GRM8: variants seen among roughly 807,000 people sequenced by gnomAD.
The protein encoded by GRM8 is glutamate metabotropic receptor 8.
A neutral mutation model predicts 87.2 loss-of-function variants in GRM8; 47 were observed. The observed-to-expected ratio is 0.54, with a 90% CI of 0.43 to 0.69. The LOEUF (loss-of-function observed/expected upper bound fraction) is 0.69, where lower values mean the gene tolerates loss of function less well. Ranked by LOEUF, GRM8 falls within the 30% of genes least tolerant of loss-of-function variation. The probability of loss-of-function intolerance (pLI) is 0.00; values close to 1 mark genes in which losing one functional copy is unlikely to be tolerated. For synonymous variants in GRM8, 396 were observed against 404.5 expected (o/e 0.98, Z 0.25); for missense variants, 1,019 against 1,139.2 (o/e 0.89, Z 1.52).
intron 7 of GRM8, among the ~76,000 whole-genome samples, chr7:126,639,934 A>G (rs975022713): frequency 1.3e-5 from 2 of 152,242 alleles, no homozygotes; most frequent in African/African-American, 4.8e-5. Flanking sequence ...CATCTAGACC[A>G]TGCAGACAAG....
chr7:127,130,773 T>C (rs567010850), intron 2 of GRM8, among the ~76,000 whole-genome samples: 5 of 152,242 alleles, frequency 3.3e-5, no homozygotes, highest in African/African-American at 1.2e-4. Context: ...GATGGGATCA[T>C]GGGGGCAGTT....
intron 7 of GRM8, among the ~76,000 whole-genome samples, chr7:126,690,162 A>G (rs1808644277): frequency 6.6e-6 from 1 of 152,176 alleles, no homozygotes; most frequent in African/African-American, 2.4e-5. Context: ...TCTGTGGCTG[A>G]TGGCGCCTTT....
intron 7 of GRM8, among the ~76,000 whole-genome samples, chr7:126,712,732 G>C (rs188269267): frequency 1.7e-4 from 26 of 152,092 alleles, no homozygotes; most frequent in African/African-American, 5.3e-4. Context: ...GAATCTACAA[G>C]GAATTTAAAC....
intron 7 of GRM8, among the ~76,000 whole-genome samples, chr7:126,680,878 T>C (rs781543785): frequency 1.3e-5 from 2 of 152,350 alleles, no homozygotes; most frequent in Admixed American, 6.5e-5. Flanking sequence ...TTGGTTACTC[T>C]TTACGTGATT....
intron 8 of GRM8, among the ~76,000 whole-genome samples, chr7:126,567,158 G>C (rs745861545): frequency 5.9e-5 from 9 of 152,076 alleles, no homozygotes; most frequent in Non-Finnish European, 1.0e-4. Flanking sequence ...AAGCTCTAGA[G>C]ACCTACTGGA....
chr7:126,534,155 A>G (rs1815306206), intron 8 of GRM8, among the ~76,000 whole-genome samples: 1 of 152,102 alleles, frequency 6.6e-6, no homozygotes, highest in Non-Finnish European at 1.5e-5. Flanking sequence ...CTGGAGAGAG[A>G]TTTATTGGTC....
At position 126,480,979 on chromosome 7, in the gene GRM8, T is replaced by G. The variant is rs544605092; in HGVS notation, c.2431-34607A>C. Among the ~76,000 whole-genome samples, 4 of 152,078 alleles carry G rather than the reference T, an allele frequency of 2.6e-5. No homozygotes were observed. The South Asian group carries it at 8.3e-4, about 32-fold the overall frequency. ...GGGGTACAAAATTAAAGGAAATAAT[T>G]TTTACGAAAATGATGGGGCATGCCA... On this transcript the variant is annotated intron_variant, in intron 9 of 10. Coordinates refer to ENST00000339582, the MANE Select transcript of GRM8 (RefSeq NM_000845.3).
chr7:126,661,559 C>T (rs913814420), intron 7 of GRM8, among the ~76,000 whole-genome samples: 6 of 152,146 alleles, frequency 3.9e-5, no homozygotes, highest in South Asian at 2.1e-4. Context: ...TGAATAGCCC[C>T]GGCTTCATTG....
chr7:126,933,422 A>G (rs908404389), intron 3 of GRM8, among the ~76,000 whole-genome samples: 2 of 152,196 alleles, frequency 1.3e-5, no homozygotes, highest in Non-Finnish European at 2.9e-5. Context: ...AAGCTCTATG[A>G]CTTGGTCCAG....
chr7:126,991,286 ATC>A (rs1812634482), intron 3 of GRM8, among the ~76,000 whole-genome samples: 1 of 152,020 alleles, frequency 6.6e-6, no homozygotes, highest in South Asian at 2.1e-4. Context: ...GAAACAGCAA[ATC>A]TCTGTTTGTT....
chr7:126,798,349 G>T (rs1016526245), intron 6 of GRM8, among the ~76,000 whole-genome samples: 1 of 152,124 alleles, frequency 6.6e-6, no homozygotes, highest in Admixed American at 6.5e-5. Flanking sequence ...AGATGAAATA[G>T]TCCAGAAGTC....
chr7:127,217,266 G>A (rs1399643299), intron 2 of GRM8, among the ~76,000 whole-genome samples: 2 of 152,174 alleles, frequency 1.3e-5, no homozygotes, highest in Non-Finnish European at 2.9e-5. Context: ...CAGGAGTGAT[G>A]AAAGGGGACA....
At chr7:127,031,645 T>C (rs1256652630) in intron 3 of GRM8, among the ~76,000 whole-genome samples, 1 of 152,182 alleles carries the variant, frequency 6.6e-6, no homozygotes, top group Non-Finnish European at 1.5e-5. Context: ...CAAAGGTATG[T>C]TTATGTTAGT....
intron 6 of GRM8, among the ~76,000 whole-genome samples, chr7:126,798,042 G>T (rs1457255164): frequency 6.6e-6 from 1 of 152,070 alleles, no homozygotes; most frequent in Admixed American, 6.6e-5. Flanking sequence ...AGGGCCAAAT[G>T]ACATCAAGAT....
intron 2 of GRM8, among the ~76,000 whole-genome samples, chr7:127,177,962 C>T (rs1254536061): frequency 6.6e-6 from 1 of 152,164 alleles, no homozygotes; most frequent in Non-Finnish European, 1.5e-5. Context: ...ACAAAAAAAT[C>T]ACACTAGTTC....
rs112967498 is a variant in GRM8 at position 126,438,972 on chromosome 7, C to T, written c.*147G>A. 14 of 628,628 alleles carry T rather than the reference C, an allele frequency of 2.2e-5. 1 individual carries two copies. The highest frequency in any genetic ancestry group is 1.3e-4 in the African/African-American group (7 of 55,128). 38.9% of individuals were successfully genotyped at this position (628,628 alleles called of 1,614,324 possible). On this transcript the variant is annotated 3_prime_UTR_variant, in exon 11 of 11. Coordinates refer to ENST00000339582, the MANE Select transcript of GRM8 (RefSeq NM_000845.3). ...TCCCCGTTTATTGATACTTTTGGCT[C>T]ATGGCTAATTTTTGTTCCTTACAAG...
At chr7:127,121,166 A>G (rs1827065680) in intron 2 of GRM8, among the ~76,000 whole-genome samples, 1 of 152,204 alleles carries the variant, frequency 6.6e-6, no homozygotes, top group Non-Finnish European at 1.5e-5. Flanking sequence ...CTGCTTTAGG[A>G]GACGGATGAA....
intron 7 of GRM8, among the ~76,000 whole-genome samples, chr7:126,637,918 C>A (rs1328626463): frequency 6.6e-6 from 1 of 151,944 alleles, no homozygotes; most frequent in Non-Finnish European, 1.5e-5. Context: ...TATACGAGAT[C>A]ACCTGTGAAA....
chr7:127,047,647 T>C (rs1333469437), intron 3 of GRM8, among the ~76,000 whole-genome samples: 1 of 151,924 alleles, frequency 6.6e-6, no homozygotes, highest in Non-Finnish European at 1.5e-5. Flanking sequence ...CTGAACAACA[T>C]AGTGAAATCT....
Sources: gnomAD v4.1 joint callset for allele counts (sites outside exome capture counted in the v4.1 genomes callset) on GRCh38, gnomAD v4.1.1 for gene constraint, MANE v1.5 for transcripts, NCBI Gene and HGNC (gene_info 2026-07-23, HGNC 2026-07-21) for gene names.